Variants in GRM5 observed in about 807,000 individuals in gnomAD.
The protein encoded by GRM5 is glutamate metabotropic receptor 5.
GRM5 carries 19 observed loss-of-function variants against 83.1 expected under a neutral mutation model. The observed-to-expected ratio is 0.23, with a 90% CI of 0.16 to 0.34. The LOEUF is 0.34. Ranked by LOEUF, GRM5 falls within the 10% of genes least tolerant of loss-of-function variation. The probability of loss-of-function intolerance (pLI) is 1.00; values close to 1 mark genes in which losing one functional copy is unlikely to be tolerated. For missense variants in GRM5, 1,160 were observed against 1,588.3 expected (o/e 0.73, Z 4.58); for synonymous variants, 675 against 633.6 (o/e 1.07, Z -0.98).
rs1944698877 is a variant in GRM5 at position 88,867,816 on chromosome 11, CT to C, written c.662-17662del. Among the ~76,000 whole-genome samples, 4 of 151,904 alleles carry C rather than the reference CT, an allele frequency of 2.6e-5. 1 individual carries two copies. The South Asian group carries it at 8.3e-4, about 32-fold the overall frequency. On this transcript the variant is annotated intron_variant, in intron 2 of 9. Coordinates refer to ENST00000305447, the MANE Select transcript of GRM5 (RefSeq NM_001143831.3). ...GAGACCTTGTTCTTGGACTTCCAGC[CT>C]CTAAACTATAAGGAAATACATTTCT... is the stretch of plus-strand genomic sequence containing the variant.
At chr11:89,007,055 C>A (rs763337573) in intron 2 of GRM5, among the ~76,000 whole-genome samples, 13 of 152,212 alleles carry the variant, frequency 8.5e-5, no homozygotes, top group Admixed American at 2.6e-4. Flanking sequence ...TCTTGGCCTC[C>A]CAAAGTGCTG....
At chr11:88,975,106 G>C (rs1488457190) in intron 2 of GRM5, among the ~76,000 whole-genome samples, 1 of 152,200 alleles carries the variant, frequency 6.6e-6, no homozygotes, top group Admixed American at 6.6e-5. Flanking sequence ...ATTAAGAGAA[G>C]TTAGAACAAG....
chr11:88,994,481 ATATATT>A (rs1330571307), intron 2 of GRM5, among the ~76,000 whole-genome samples: 3 of 131,348 alleles, frequency 2.3e-5, no homozygotes, highest in Non-Finnish European at 3.2e-5. Context: ...ATATATATAT[ATATATT>A]ACAATTGCTG....
intron 8 of GRM5, among the ~76,000 whole-genome samples, chr11:88,544,595 A>C (rs1030774795): frequency 4.6e-5 from 7 of 152,154 alleles, no homozygotes; most frequent in African/African-American, 1.7e-4. Flanking sequence ...CACACTTCTC[A>C]GGGCCCAGTT....
intron 2 of GRM5, among the ~76,000 whole-genome samples, chr11:89,026,003 T>TA (rs369993591): frequency 1.6e-4 from 25 of 152,242 alleles, no homozygotes; most frequent in Non-Finnish European, 3.2e-4. Flanking sequence ...TACACAGCCA[T>TA]AAAAAAAGCA....
chr11:88,518,731 AT>A (rs36023228), intron 9 of GRM5, among the ~76,000 whole-genome samples: 18 of 151,862 alleles, frequency 1.2e-4, no homozygotes, highest in African/African-American at 4.4e-4. Context: ...CAGATTTAAA[AT>A]TTTAATGTAG....
intron 1 of GRM5, among the ~76,000 whole-genome samples, chr11:89,058,246 A>T (rs1941917495): frequency 6.6e-6 from 1 of 152,222 alleles, no homozygotes; most frequent in Non-Finnish European, 1.5e-5. Context: ...AGCATCATTT[A>T]GATAAGGGTT....
At chr11:88,660,489 G>A (rs1220639741) in intron 3 of GRM5, among the ~76,000 whole-genome samples, 1 of 152,256 alleles carries the variant, frequency 6.6e-6, no homozygotes, top group Non-Finnish European at 1.5e-5. Flanking sequence ...GCATCCCATG[G>A]TGCTACCTGC....
At chr11:88,648,099 T>C (rs1221701434) in intron 4 of GRM5, among the ~76,000 whole-genome samples, 1 of 152,160 alleles carries the variant, frequency 6.6e-6, no homozygotes. Context: ...AGTGTGGCGA[T>C]TCCTCAGGGA....
chr11:88,870,508 T>C (rs1383863275), intron 2 of GRM5, among the ~76,000 whole-genome samples: 4 of 151,480 alleles, frequency 2.6e-5, no homozygotes, highest in African/African-American at 9.7e-5. Context: ...ATAAAGCCAC[T>C]TCTACAAAGA....
chr11:89,013,241 A>C (rs1232073363), intron 2 of GRM5, among the ~76,000 whole-genome samples: 1 of 152,162 alleles, frequency 6.6e-6, no homozygotes, highest in African/African-American at 2.4e-5. Flanking sequence ...TGCATTTGTC[A>C]ATTACTATTT....
chr11:88,550,683 G>T (rs188091198), intron 8 of GRM5, among the ~76,000 whole-genome samples: 29 of 152,160 alleles, frequency 1.9e-4, no homozygotes, highest in African/African-American at 6.7e-4. Flanking sequence ...AAGAAAACAG[G>T]GAAATGGACA....
chr11:88,774,582 G>A (rs553116464), intron 3 of GRM5, among the ~76,000 whole-genome samples: 37 of 152,076 alleles, frequency 2.4e-4, no homozygotes, highest in Non-Finnish European at 5.1e-4. Context: ...CATTGGCTGT[G>A]GGTTTGTCAT....
intron 3 of GRM5, among the ~76,000 whole-genome samples, chr11:88,765,395 GAAA>G (rs58232495): frequency 2.5e-4 from 31 of 123,440 alleles, no homozygotes; most frequent in African/African-American, 8.0e-4. Context: ...AAGACAATTT[GAAA>G]AAAAAAAAAA....
rs147571221 is a variant in GRM5, at chr11:88,897,588, T to C, written c.662-47433A>G. ...TTGCCTCCTGAGGGACATTTGGTAA[T>C]TGGGGACATTTTTTACTGTCTTAGC... On this transcript the variant is annotated intron_variant, in intron 2 of 9. Coordinates refer to ENST00000305447, the MANE Select transcript of GRM5 (RefSeq NM_001143831.3). 6.4e-3 allele frequency among the ~76,000 whole-genome samples: 968 copies of C among 151,932 alleles called. 9 individuals are homozygous for C. Among genetic ancestry groups the C allele is most frequent in the African/African-American group, 0.022 (905 of 41,464 alleles).
chr11:88,743,726 G>A (rs553099497), intron 3 of GRM5, among the ~76,000 whole-genome samples: 1 of 152,182 alleles, frequency 6.6e-6, no homozygotes, highest in Admixed American at 6.5e-5. Context: ...GAGATTTGAG[G>A]CAAATACAAT....
rs527490560 is a variant in GRM5 at position 89,058,888 on chromosome 11, A to G, written c.-201+6888T>C. Among the ~76,000 whole-genome samples, 19 of 151,950 alleles carry G rather than the reference A, an allele frequency of 1.3e-4. 1 individual carries two copies. The highest frequency in any genetic ancestry group is 2.4e-4 in the Non-Finnish European group (16 of 68,022). ...TGCAACAATAACGATAACTTTATAAATTAATTTACATGTTGATTTTTCATT... is the reference window on the plus strand; with the variant it reads ...TGCAACAATAACGATAACTTTATAAGTTAATTTACATGTTGATTTTTCATT... On this transcript the variant is annotated intron_variant, in intron 1 of 9. Coordinates refer to ENST00000305447, the MANE Select transcript of GRM5 (RefSeq NM_001143831.3).
At chr11:88,723,185 C>T (rs1224385236) in intron 3 of GRM5, among the ~76,000 whole-genome samples, 1 of 151,714 alleles carries the variant, frequency 6.6e-6, no homozygotes, top group Non-Finnish European at 1.5e-5. Context: ...CTCAAGGCTC[C>T]TCCATGATTT....
chr11:88,537,081 A>T (rs1942153194), intron 8 of GRM5, among the ~76,000 whole-genome samples: 1 of 152,150 alleles, frequency 6.6e-6, no homozygotes, highest in South Asian at 2.1e-4. Context: ...CTCTTCATTA[A>T]CAACTTACTT....
Sources: gnomAD v4.1 joint callset for allele counts (sites outside exome capture counted in the v4.1 genomes callset) on GRCh38, gnomAD v4.1.1 for gene constraint, MANE v1.5 for transcripts, NCBI Gene and HGNC (gene_info 2026-07-23, HGNC 2026-07-21) for gene names.